CC2D2A: variants seen among roughly 807,000 people sequenced by gnomAD.
CC2D2A encodes coiled-coil and C2 domain containing 2A, also known as coiled-coil and C2 domain-containing protein 2A.
A neutral mutation model predicts 212.9 loss-of-function variants in CC2D2A; 155 were observed. The ratio of observed to expected loss-of-function variants is 0.73; its 90% CI spans 0.64 to 0.83. CC2D2A has a LOEUF of 0.83. CC2D2A is among the 40% of genes least tolerant of loss of function. The pLI is 0.00. For synonymous variants in CC2D2A, 667 were observed against 686.5 expected (o/e 0.97, Z 0.44); for missense variants, 1,856 against 1,956.2 (o/e 0.95, Z 0.97).
At chr4:15,541,332 T>C (rs958150070) in intron 17 of CC2D2A, among the ~76,000 whole-genome samples, 2 of 151,482 alleles carry the variant, frequency 1.3e-5, no homozygotes, top group Non-Finnish European at 2.9e-5. Context: ...ACAATAGTAA[T>C]AATAATTATT....
At chr4:15,567,265 T>C (rs1365217390) in intron 24 of CC2D2A, 112 bp from the exon 25 acceptor site, 4 of 803,246 alleles carry the variant, frequency 5.0e-6, no homozygotes, top group South Asian at 1.7e-5. Context: ...GCCACTGCAC[T>C]TCAGCTTGGG....
intron 31 of CC2D2A, among the ~76,000 whole-genome samples, chr4:15,586,983 G>C (rs550988898): frequency 2.4e-4 from 37 of 152,242 alleles, no homozygotes; most frequent in African/African-American, 6.7e-4. Context: ...ACAACTTTGA[G>C]ACATCTATAA....
chr4:15,559,085 T>C (rs1235838921), intron 21 of CC2D2A, 80 bp from the exon 22 acceptor site: 19 of 848,944 alleles, frequency 2.2e-5, no homozygotes, highest in Non-Finnish European at 3.2e-5. Context: ...ATAACTTAAA[T>C]CATATGTGAT....
chr4:15,589,915 C>T (rs1298999996), intron 33 of CC2D2A, among the ~76,000 whole-genome samples: 3 of 151,842 alleles, frequency 2.0e-5, no homozygotes, highest in Non-Finnish European at 4.4e-5. Context: ...AGCAGAATGA[C>T]AAAGCAGAAT....
intron 30 of CC2D2A, among the ~76,000 whole-genome samples, chr4:15,584,148 A>C (rs1720769024): frequency 6.6e-6 from 1 of 152,130 alleles, no homozygotes; most frequent in Non-Finnish European, 1.5e-5. Context: ...AAATAGAAAA[A>C]AAAAATCTTA....
At chr4:15,566,078 G>A (rs1364977170) in intron 24 of CC2D2A, among the ~76,000 whole-genome samples, 1 of 152,216 alleles carries the variant, frequency 6.6e-6, no homozygotes, top group Non-Finnish European at 1.5e-5. Context: ...TGATGAATGT[G>A]AAATACTTGG....
Position 15,484,023 on chromosome 4 carries a change from C to T in CC2D2A, c.247+3196C>T, listed in dbSNP as rs141168512. 1.2e-4 allele frequency among the ~76,000 whole-genome samples: 19 copies of T among 152,110 alleles called. No individual in the cohort carries two copies. The East Asian group carries it at 3.3e-3, about 26-fold the overall frequency. On this transcript the variant is annotated intron_variant, in intron 4 of 36. Transcript: ENST00000424120. ...GTAAAACAGGGACAATAATAGATTG[C>T]GTGAACACTGCCACAGAGTTTATAC...
At chr4:15,517,137 TG>T (rs1214406762) in intron 11 of CC2D2A, among the ~76,000 whole-genome samples, 1 of 151,760 alleles carries the variant, frequency 6.6e-6, no homozygotes, top group Non-Finnish European at 1.5e-5. Flanking sequence ...TTAGTAGAGA[TG>T]GGGTTTCACC....
intron 29 of CC2D2A, 76 bp from the exon 30 acceptor site, chr4:15,579,892 G>C (rs1720581702): frequency 8.6e-7 from 1 of 1,164,212 alleles, no homozygotes; most frequent in African/African-American, 1.5e-5. Context: ...TTTCCTGCAT[G>C]TTGACTGTGG....
Position 15,574,070 on chromosome 4 carries a change from C to A in CC2D2A, c.3595-80C>A, listed in dbSNP as rs908719379. The A allele has an allele frequency of 2.5e-6, 3 of 1,222,576 alleles. No individual in the cohort carries two copies. In the South Asian group the frequency reaches 4.8e-5, roughly 19 times the overall value. The allele number at this position is 1,222,576 out of a possible 1,614,324, so 75.7% of individuals were successfully genotyped here. Reference sequence around the variant, plus strand: ...AGCAATTTTGGTTCAATTTATTAAACAATGAGGAGTTGACACTTGCCTCTC... The same window carrying A: ...AGCAATTTTGGTTCAATTTATTAAAAAATGAGGAGTTGACACTTGCCTCTC... On this transcript the variant is annotated intron_variant, in intron 28 of 36. Coordinates refer to ENST00000424120, the MANE Select transcript of CC2D2A (RefSeq NM_001378615.1).
chr4:15,538,166 G>A (rs1432715249), intron 16 of CC2D2A, 29 bp downstream of exon 16: 1 of 1,500,510 alleles, frequency 6.7e-7, no homozygotes, highest in East Asian at 2.4e-5. Flanking sequence ...CGTAAATGAG[G>A]CTGACATCTG....
chr4:15,553,030 A>G (rs1577370594), intron 18 of CC2D2A, 128 bp from the exon 19 acceptor site: 5 of 720,922 alleles, frequency 6.9e-6, no homozygotes, highest in Non-Finnish European at 1.1e-5. Flanking sequence ...ACTGGCTTGA[A>G]TCATGTGCTC....
intron 27 of CC2D2A, among the ~76,000 whole-genome samples, chr4:15,569,793 G>A (rs938422734): frequency 1.3e-5 from 2 of 152,180 alleles, no homozygotes; most frequent in African/African-American, 4.8e-5. Flanking sequence ...AATTAGGAAT[G>A]CCTCTGTTCT....
chr4:15,560,662 A>G, intron 23 of CC2D2A, 40 bp downstream of exon 23: 1 of 873,392 alleles, frequency 1.1e-6, no homozygotes, highest in Non-Finnish European at 1.8e-6. Flanking sequence ...TTCTTATAAA[A>G]ATTATTATTT....
chr4:15,601,327 C>A lies in CC2D2A; in HGVS notation c.4765C>A (p.Pro1589Thr). The stretch of plus-strand genomic sequence containing the variant: ...TACTGGAGTACATAATATTGATGTT[C>A]CTAATGTTGAATTTGCTTTAGCTGT... ...YSTGVHNIDVPNVEFALAVYI... is the reference protein window; with the variant it reads ...YSTGVHNIDVTNVEFALAVYI... The change falls in exon 37 of 37, where the codon CCT (proline) becomes ACT (threonine). Residue 1589 changes from proline (P) to threonine (T), a missense_variant. Around this residue, in one of 5 missense-constraint regions of CC2D2A, gnomAD observed 285 missense variants for 278.4 expected, o/e 1.02. Transcript: ENST00000424120. The A allele has an allele frequency of 6.2e-7, 1 of 1,610,310 alleles. No homozygotes were observed. Among genetic ancestry groups the A allele is most frequent in the Non-Finnish European group, 8.5e-7 (1 of 1,177,726 alleles).
chr4:15,502,052 T>G (rs1715983571), intron 4 of CC2D2A, among the ~76,000 whole-genome samples: 1 of 152,188 alleles, frequency 6.6e-6, no homozygotes, highest in Non-Finnish European at 1.5e-5. Context: ...CAAGCCTGTT[T>G]CTCAAATCAA....
chr4:15,596,658 A>G (rs1035137913), intron 34 of CC2D2A, among the ~76,000 whole-genome samples: 33 of 152,162 alleles, frequency 2.2e-4, no homozygotes, highest in African/African-American at 7.7e-4. Flanking sequence ...TTTGATAGAT[A>G]TATGTATGTG....
At chr4:15,505,903 T>C (rs1024861583) in intron 6 of CC2D2A, among the ~76,000 whole-genome samples, 4 of 152,188 alleles carry the variant, frequency 2.6e-5, no homozygotes, top group Non-Finnish European at 5.9e-5. Context: ...AGGGTGTCTT[T>C]TAAGAAATTG....
At chr4:15,504,054 T>A (rs1480031794) in intron 6 of CC2D2A, among the ~76,000 whole-genome samples, 1 of 152,154 alleles carries the variant, frequency 6.6e-6, no homozygotes, top group African/African-American at 2.4e-5. Context: ...TTTTTATTGG[T>A]TTGGGTTGTT....
Sources: allele counts gnomAD v4.1 joint callset (sites outside exome capture counted in the v4.1 genomes callset), GRCh38; gene constraint gnomAD v4.1.1; regional missense constraint gnomAD v4.1.1; transcripts MANE v1.5; gene names NCBI Gene and HGNC (gene_info 2026-07-23, HGNC 2026-07-21).